The following CORO2B variants were observed in gnomAD, a reference collection of about 807,000 sequenced individuals.
The protein encoded by CORO2B is coronin 2B.
A neutral mutation model predicts 58.8 loss-of-function variants in CORO2B; 26 were observed. The ratio of observed to expected loss-of-function variants is 0.44; its 90% CI spans 0.32 to 0.61. The LOEUF (loss-of-function observed/expected upper bound fraction) is 0.61, where lower values mean the gene tolerates loss of function less well. Ranked by LOEUF, CORO2B falls within the 20% of genes least tolerant of loss-of-function variation. CORO2B has a pLI of 0.04. For missense variants in CORO2B, 460 were observed against 645.1 expected, an observed-to-expected ratio of 0.71 and a Z score of 3.11; for synonymous variants, 242 against 253.8, an observed-to-expected ratio of 0.95 and a Z score of 0.44.
intron 2 of CORO2B, among the ~76,000 whole-genome samples, chr15:68,648,641 C>A (rs1028916478): frequency 6.6e-6 from 1 of 151,910 alleles, no homozygotes; most frequent in Non-Finnish European, 1.5e-5. Flanking sequence ...CAGAGCGAGA[C>A]TCCGTCTCAA....
In CORO2B at chr15:68,665,657, T is replaced by C. The variant is rs74020265; in HGVS notation, c.216+20297T>C. ...GTGGTGTATTAAAAGCTTCTTCACATAGCTCTTATTCATTTCTTGTTACAC... is the reference window on the plus strand; with the variant it reads ...GTGGTGTATTAAAAGCTTCTTCACACAGCTCTTATTCATTTCTTGTTACAC... On this transcript the variant is annotated intron_variant, in intron 2 of 11. Transcript: ENST00000261861. 9.2e-5 allele frequency among the ~76,000 whole-genome samples: 14 copies of C among 152,118 alleles called. No homozygotes were observed. The East Asian group carries it at 2.5e-3, about 27-fold the overall frequency.
intron 2 of CORO2B, among the ~76,000 whole-genome samples, chr15:68,663,592 A>G (rs1902083437): frequency 6.6e-6 from 1 of 152,234 alleles, no homozygotes. Flanking sequence ...CTTAATCAAA[A>G]TTAAAAACTT....
rs565144036 is a variant in CORO2B at position 68,644,235 on chromosome 15, T to C, written c.16-925T>C. On this transcript the variant is annotated intron_variant, in intron 1 of 11. Transcript: ENST00000261861. ...AACGCCTCATGTAGTGACTCAGCAATCCAGATTGCTTTAATCATGTGCTTT... is the reference window on the plus strand; with the variant it reads ...AACGCCTCATGTAGTGACTCAGCAACCCAGATTGCTTTAATCATGTGCTTT... Among the ~76,000 whole-genome samples the C allele has an allele frequency of 1.1e-4, 17 of 152,322 alleles. 1 individual carries two copies. Among genetic ancestry groups the C allele is most frequent in the Admixed American group, 3.3e-4 (5 of 15,300 alleles).
At chr15:68,617,793 A>G (rs1203781632) in intron 1 of CORO2B, among the ~76,000 whole-genome samples, 5 of 152,114 alleles carry the variant, frequency 3.3e-5, no homozygotes, top group African/African-American at 1.2e-4. Context: ...CTCAACTTGA[A>G]ATCCCCAGTG....
chr15:68,573,593 A>G, the CORO2B span, among the ~76,000 whole-genome samples: 4 of 152,080 alleles, frequency 2.6e-5, no homozygotes. Flanking sequence ...GAAGCAGGGC[A>G]GGGTGGGAGC....
At chr15:68,535,801 C>T in the CORO2B span, among the ~76,000 whole-genome samples, 3 of 152,086 alleles carry the variant, frequency 2.0e-5, no homozygotes, top group Non-Finnish European at 2.9e-5. Context: ...TTAAGAACAT[C>T]GTTTGATTCT....
chr15:68,604,327 A>AC (rs1277155581), intron 1 of CORO2B, among the ~76,000 whole-genome samples: 1 of 151,712 alleles, frequency 6.6e-6, no homozygotes, highest in Non-Finnish European at 1.5e-5. Context: ...GTCAGCCCCC[A>AC]CCCCCAAACC....
At chr15:68,532,010 T>C in the CORO2B span, among the ~76,000 whole-genome samples, 11 of 152,160 alleles carry the variant, frequency 7.2e-5, no homozygotes, top group Non-Finnish European at 1.3e-4. Flanking sequence ...ATATGCATAG[T>C]TTATGATAAA....
intron 11 of CORO2B, 81 bp from the exon 12 acceptor site, chr15:68,725,762 G>A: frequency 6.4e-7 from 1 of 1,574,550 alleles, no homozygotes; most frequent in South Asian, 1.1e-5. Context: ...GCGGCAGGCA[G>A]CTGGAGACTC....
intron 1 of CORO2B, among the ~76,000 whole-genome samples, chr15:68,602,681 C>G (rs1411668157): frequency 4.0e-5 from 6 of 151,658 alleles, no homozygotes; most frequent in African/African-American, 7.2e-5. Flanking sequence ...ATTGCCCCCC[C>G]TTGAGGTAGG....
At chr15:68,716,873 G>C (rs563248311) in intron 8 of CORO2B, among the ~76,000 whole-genome samples, 3 of 151,770 alleles carry the variant, frequency 2.0e-5, no homozygotes, top group South Asian at 4.2e-4. Context: ...CCATCGGAGA[G>C]GGGGGCAGGG....
intron 2 of CORO2B, among the ~76,000 whole-genome samples, chr15:68,650,543 C>G (rs1360735070): frequency 1.3e-5 from 2 of 152,108 alleles, no homozygotes; most frequent in Non-Finnish European, 2.9e-5. Context: ...ACCTGGGAGC[C>G]GGAAGTTGTA....
At position 68,718,825 on chromosome 15, in the gene CORO2B, G is replaced by A; in HGVS notation, c.1080+15G>A. The A allele has an allele frequency of 1.9e-6, 3 of 1,604,890 alleles. No individual in the cohort carries two copies. The highest frequency in any genetic ancestry group is 2.6e-6 in the Non-Finnish European group (3 of 1,172,138). On this transcript the variant is annotated intron_variant, in intron 9 of 11. Coordinates refer to ENST00000261861, the MANE Select transcript of CORO2B (RefSeq NM_006091.5). The stretch of plus-strand genomic sequence containing the variant: ...TGCCCCGGAGGGTAAGTGGGGCTGG[G>A]CTGGGCTCCAGGAGGGGGGCCTGCA...
chr15:68,642,911 G>A (rs563449428), intron 1 of CORO2B, among the ~76,000 whole-genome samples: 1 of 152,288 alleles, frequency 6.6e-6, no homozygotes, highest in African/African-American at 2.4e-5. Context: ...CTCCTTTCTC[G>A]TCTGTGGAAA....
chr15:68,569,531 T>G, the CORO2B span, among the ~76,000 whole-genome samples: 6,132 of 152,336 alleles, frequency 0.04, 175 homozygotes, highest in Middle Eastern at 0.078. Context: ...TATTTATCTG[T>G]TCACCTACTG....
the CORO2B span, among the ~76,000 whole-genome samples, chr15:68,527,033 G>A: frequency 6.6e-6 from 1 of 152,152 alleles, no homozygotes; most frequent in Non-Finnish European, 1.5e-5. Flanking sequence ...AAAAGGCCGT[G>A]GGAGGACACA....
chr15:68,522,371 T>C, the CORO2B span, among the ~76,000 whole-genome samples: 3 of 152,242 alleles, frequency 2.0e-5, no homozygotes, highest in South Asian at 2.1e-4. Flanking sequence ...ATATATCTCT[T>C]ATATGCTCTT....
intron 5 of CORO2B, among the ~76,000 whole-genome samples, chr15:68,713,182 G>A (rs1318159953): frequency 1.3e-5 from 2 of 152,192 alleles, no homozygotes; most frequent in Non-Finnish European, 2.9e-5. Context: ...GTGAAGCAGT[G>A]ATGGGCATGA....
intron 2 of CORO2B, among the ~76,000 whole-genome samples, chr15:68,693,076 C>T (rs8028973): frequency 0.26 from 40,277 of 152,092 alleles, 5,670 homozygotes; most frequent in African/African-American, 0.34. Context: ...CTCTAATTTT[C>T]CCACAACATA....
Sources: allele counts gnomAD v4.1 joint callset (sites outside exome capture counted in the v4.1 genomes callset), GRCh38; gene constraint gnomAD v4.1.1; transcripts MANE v1.5; gene names NCBI Gene and HGNC (gene_info 2026-07-23, HGNC 2026-07-21).